GPSM1: variants seen among roughly 807,000 people sequenced by gnomAD.
GPSM1 encodes G protein-signaling modulator 1.
In GPSM1, 48 loss-of-function variants were observed where a neutral mutation model predicts 70.5. The ratio of observed to expected loss-of-function variants is 0.68; its 90% CI spans 0.54 to 0.87. The LOEUF is 0.87. GPSM1 is among the 40% of genes least tolerant of loss of function. The pLI, the probability that GPSM1 is intolerant of heterozygous loss-of-function variation, is 0.00. For missense variants in GPSM1, 981 were observed against 972.6 expected, an observed-to-expected ratio of 1.01 and a Z score of -0.11; for synonymous variants, 416 against 430.1, an observed-to-expected ratio of 0.97 and a Z score of 0.41.
At chr9:136,348,278 C>T (rs1290103371) in intron 9 of GPSM1, among the ~76,000 whole-genome samples, 2 of 152,192 alleles carry the variant, frequency 1.3e-5, no homozygotes, top group East Asian at 1.9e-4. Flanking sequence ...CACCTGCCTC[C>T]GGGGCACAGC....
In GPSM1 at chr9:136,341,412, G is replaced by A. The variant is rs892246905; in HGVS notation, c.1207+419G>A. 7 of 1,418,142 alleles carry A rather than the reference G, an allele frequency of 4.9e-6. No homozygotes were observed. The highest frequency in any genetic ancestry group is 4.3e-5 in the African/African-American group (3 of 69,134). The allele number at this position is 1,418,142 out of a possible 1,614,324, so 87.8% of individuals were successfully genotyped here. ...GGGCTGGGCTGTGGGAGCCCTATGT[G>A]CCTGGGGCAGTAATCAGGCAAGGCC... On this transcript the variant is annotated intron_variant, in intron 9 of 13. Transcript: ENST00000440944. This position sits in a 1 kb window ranked among gnomAD's most constrained non-coding sequence, Gnocchi z 6.7.
intron 9 of GPSM1, among the ~76,000 whole-genome samples, chr9:136,344,677 C>T (rs908824687): frequency 1.3e-5 from 2 of 152,160 alleles, no homozygotes; most frequent in Non-Finnish European, 2.9e-5. Flanking sequence ...AGAAGTGAGC[C>T]GCAAGCTTAG....
At chr9:136,346,218 G>A (rs1320279360) in intron 9 of GPSM1, among the ~76,000 whole-genome samples, 1 of 152,190 alleles carries the variant, frequency 6.6e-6, no homozygotes, top group Non-Finnish European at 1.5e-5. Context: ...CCAGGGAAGC[G>A]CACAGCCCAC....
In GPSM1 at chr9:136,356,423, A is replaced by G. The variant is rs1832826903; in HGVS notation, c.1694A>G (p.Asp565Gly). Residue 565 changes from aspartate (D) to glycine (G), a missense_variant, in exon 13 of 14, where the codon GAC becomes GGC. Physicochemically the swap from Asp to Gly is moderately conservative, Grantham distance 94. Coordinates refer to ENST00000440944, the MANE Select transcript of GPSM1 (RefSeq NM_001145638.3). ...AGCTCCCAGAGCCGCCGGCTGGACGACCAGCGGGCCAGCGTGGGCAGCCTG... is the reference window on the plus strand; with the variant it reads ...AGCTCCCAGAGCCGCCGGCTGGACGGCCAGCGGGCCAGCGTGGGCAGCCTG... ...IASSQSRRLD[D>G]QRASVGSLPG... is the part of the protein sequence containing the mutation. 6.2e-7 allele frequency: 1 copy of G among 1,610,124 alleles called. No individual in the cohort carries two copies. Among genetic ancestry groups the G allele is most frequent in the African/African-American group, 1.3e-5 (1 of 74,796 alleles).
Position 136,334,627 on chromosome 9 carries a change from C to T in GPSM1, c.249C>T (p.Gly83=), listed in dbSNP as rs1554768930. ...CCTACTTCTACCTGAAGGAGCACGG[C>T]CGGGCGCTGGAATACCACAAGCATG... ...GNAYFYLKEH[G]RALEYHKHDL... is the part of the protein sequence containing the mutation. Residue 83 remains glycine, a synonymous_variant, in exon 2 of 14, where the codon GGC becomes GGT. Coordinates refer to ENST00000440944, the MANE Select transcript of GPSM1 (RefSeq NM_001145638.3). The T allele has an allele frequency of 2.5e-6, 4 of 1,612,666 alleles. No individual in the cohort carries two copies. Among genetic ancestry groups the T allele is most frequent in the Non-Finnish European group, 3.4e-6 (4 of 1,179,932 alleles).
At chr9:136,344,164 TCGGGGGGAGGCGCGGACAGGAG>T (rs1383403753) in intron 9 of GPSM1, among the ~76,000 whole-genome samples, 46 of 76,932 alleles carry the variant, frequency 6.0e-4, no homozygotes, top group East Asian at 4.0e-3. Context: ...GCGGACAGGA[TCGGGGGGAGGCGCGGACAGGAG>T]CGGGGGGAGG....
intron 7 of GPSM1, 71 bp from the exon 8 acceptor site, chr9:136,339,636 C>T: frequency 9.1e-7 from 1 of 1,100,512 alleles, no homozygotes; most frequent in African/African-American, 1.5e-5. Flanking sequence ...GCCGTGACCA[C>T]CAGGGGAGGG....
At chr9:136,344,427 C>T (rs1462811556) in intron 9 of GPSM1, among the ~76,000 whole-genome samples, 4 of 152,146 alleles carry the variant, frequency 2.6e-5, no homozygotes, top group African/African-American at 4.8e-5. Flanking sequence ...GCTGTGTGCT[C>T]GGGTGCTGGC....
chr9:136,336,088 A>G lies in GPSM1; in HGVS notation c.413A>G (p.Glu138Gly). The G allele has an allele frequency of 1.2e-6, 2 of 1,611,432 alleles. No homozygotes were observed. The highest frequency in any genetic ancestry group is 1.7e-6 in the Non-Finnish European group (2 of 1,179,826). The change falls in exon 3 of 14, where the codon GAG becomes GGG. Residue 138 changes from glutamate to glycine, a missense_variant. Glu to Gly is a moderately conservative substitution (Grantham distance 98). Coordinates refer to ENST00000440944, the MANE Select transcript of GPSM1 (RefSeq NM_001145638.3). ...CCQRHLSIAQ[E>G]QGDKVGEARA... ...CAGCGGCATCTGAGCATCGCCCAAG[A>G]GCAGGGAGACAAGGTGGGGGCTTGG...
Position 136,342,052 on chromosome 9 carries a change from G to A in GPSM1, c.1207+1059G>A, listed in dbSNP as rs1446955114. 6.6e-6 allele frequency among the ~76,000 whole-genome samples: 1 copy of A among 152,180 alleles called. No homozygotes were observed. Among genetic ancestry groups the A allele is most frequent in the African/African-American group, 2.4e-5 (1 of 41,448 alleles). On this transcript the variant is annotated intron_variant, in intron 9 of 13. Coordinates refer to ENST00000440944, the MANE Select transcript of GPSM1 (RefSeq NM_001145638.3). The surrounding 1 kb of genome is among the most constrained non-coding windows in gnomAD (Gnocchi z 5.5). ...AGCCACCGCAGAGGCTGAAGACAGA[G>A]GAAGGAGCAGAGGCTCTGGGGCCCT...
chr9:136,331,880 G>T lies in GPSM1; in HGVS notation c.69-2567G>T, dbSNP rs28368641. 1.0e-5 allele frequency: 4 copies of T among 396,510 alleles called. No individual in the cohort carries two copies. The East Asian group carries it at 1.4e-4, about 14-fold the overall frequency. 24.6% of individuals were successfully genotyped at this position (396,510 alleles called of 1,614,324 possible). A position where few individuals can be genotyped will look rare whatever the true frequency, so the allele number is the denominator to read the frequency against. On this transcript the variant is annotated intron_variant, in intron 1 of 13. Transcript: ENST00000440944. ...CCTGCTGGAGGACTGGCAGTCCCCC[G>T]CCGAGCTTTAAACCCACCATCCTGG...
Position 136,337,007 on chromosome 9 carries a change from G to C in GPSM1, c.513G>C (p.Thr171=), listed in dbSNP as rs1000806531. 6.4e-7 allele frequency: 1 copy of C among 1,552,676 alleles called. No homozygotes were observed. ...TGTCCTGGAACGCCGCAAACGCCAC[G>C]CAGGACCCCGGGCACCTGCCGCCCG... ...KQLSWNAANA[T]QDPGHLPPDV... Residue 171 remains threonine, a synonymous_variant, in exon 4 of 14, where the codon ACG becomes ACC. Transcript: ENST00000440944.
In GPSM1 at chr9:136,359,211, G is replaced by C. The variant is rs532129627; in HGVS notation, c.*991G>C. 1 of 152,520 alleles carries C rather than the reference G, an allele frequency of 6.6e-6. No homozygotes were observed. The highest frequency in any genetic ancestry group is 2.1e-4 in the South Asian group (1 of 4,836). 9.4% of individuals were successfully genotyped at this position (152,520 alleles called of 1,614,324 possible). On this transcript the variant is annotated 3_prime_UTR_variant, in exon 14 of 14. Coordinates refer to ENST00000440944, the MANE Select transcript of GPSM1 (RefSeq NM_001145638.3). ...ACTGGCAGGACCTGCTGGAGCCTGA[G>C]ATGGGCCCCAGGGGCCTGAGGTTGC... is the stretch of plus-strand genomic sequence containing the variant.
Position 136,337,841 on chromosome 9 carries a change from C to T in GPSM1, c.703-5C>T, listed in dbSNP as rs371699728. On this transcript the variant is annotated splice_polypyrimidine_tract_variant and splice_region_variant and intron_variant, in intron 5 of 13. Coordinates refer to ENST00000440944, the MANE Select transcript of GPSM1 (RefSeq NM_001145638.3). ...GACCACCTGGCCTCCGGTGTGTCTC[C>T]GCAGCGCCTGGCCATTGCTAAGGAG... 148 of 1,605,656 alleles carry T rather than the reference C, an allele frequency of 9.2e-5. No individual in the cohort carries two copies. The Middle Eastern group carries it at 1.7e-3, about 18-fold the overall frequency.
intron 11 of GPSM1, chr9:136,354,857 G>T: frequency 9.9e-7 from 1 of 1,005,774 alleles, no homozygotes; most frequent in Non-Finnish European, 1.2e-6. Flanking sequence ...GACACAGGGT[G>T]TGGTGGGCAC....
At position 136,332,839 on chromosome 9, in the gene GPSM1, CAAAA is replaced by C. The variant is rs150554566; in HGVS notation, c.69-1588_69-1585del. Among the ~76,000 whole-genome samples, 156 of 66,110 alleles carry C rather than the reference CAAAA, an allele frequency of 2.4e-3. 1 individual carries two copies. Among genetic ancestry groups the C allele is most frequent in the Non-Finnish European group, 3.5e-3 (132 of 37,312 alleles). 43.4% of individuals were successfully genotyped at this position (66,110 alleles called of 152,430 possible). A position where few individuals can be genotyped will look rare whatever the true frequency, so the allele number is the denominator to read the frequency against. ...AACATAGTGAGACCCCCATCTCTAC[CAAAA>C]AAAAAAAAAAAAAAAAAAAGCTGGG... On this transcript the variant is annotated intron_variant, in intron 1 of 13. Coordinates refer to ENST00000440944, the MANE Select transcript of GPSM1 (RefSeq NM_001145638.3).
At chr9:136,350,875 A>ACAGACTGGTGGT (rs1832643423) in intron 11 of GPSM1, among the ~76,000 whole-genome samples, 2 of 152,152 alleles carry the variant, frequency 1.3e-5, no homozygotes, top group South Asian at 4.1e-4. Context: ...CGGGGGACAG[A>ACAGACTGGTGGT]CAGACTGGTG....
intron 11 of GPSM1, among the ~76,000 whole-genome samples, chr9:136,351,025 G>A (rs1832648576): frequency 6.6e-6 from 1 of 152,216 alleles, no homozygotes; most frequent in African/African-American, 2.4e-5. Context: ...GGGTTCGGAG[G>A]TCAGCCTGGA....
In GPSM1 at chr9:136,337,092, C is replaced by T. The variant is rs373938972; in HGVS notation, c.578+20C>T. ...CTACGAGTGAGTGGGGCAGGGCCAG[C>T]CCAGGGACCGGGGCTGGCCTGTGCG... On this transcript the variant is annotated intron_variant, in intron 4 of 13. Transcript: ENST00000440944. The T allele has an allele frequency of 1.2e-4, 189 of 1,542,480 alleles. No homozygotes were observed. Among genetic ancestry groups the T allele is most frequent in the Non-Finnish European group, 1.5e-4 (167 of 1,142,962 alleles).
Sources: gnomAD v4.1 joint callset for allele counts (sites outside exome capture counted in the v4.1 genomes callset) on GRCh38, gnomAD v4.1.1 for gene constraint, Gnocchi (gnomAD v3.1) non-coding constraint, MANE v1.5 for transcripts, NCBI Gene and HGNC (gene_info 2026-07-23, HGNC 2026-07-21) for gene names.